Variants in SEMA4F observed in about 807,000 individuals in gnomAD.
SEMA4F encodes the protein ssemaphorin 4F, also known as semaphorin-4F.
A neutral mutation model predicts 78.4 loss-of-function variants in SEMA4F; 51 were observed. The observed-to-expected ratio is 0.65, with a 90% CI of 0.52 to 0.82. The LOEUF (loss-of-function observed/expected upper bound fraction) is 0.82, where lower values mean the gene tolerates loss of function less well. SEMA4F is among the 40% of genes least tolerant of loss of function. SEMA4F has a pLI of 0.00. For synonymous variants in SEMA4F, 418 were observed against 408.7 expected (o/e 1.02, Z -0.27); for missense variants, 938 against 1,014.4 (o/e 0.92, Z 1.02).
chr2:74,703,932 C>G, the SEMA4F span, among the ~76,000 whole-genome samples: 4 of 152,116 alleles, frequency 2.6e-5, no homozygotes, highest in Admixed American at 1.3e-4. Context: ...AGAGGAGCCC[C>G]AAAGAACACA....
chr2:74,666,769 G>A (rs1299341205), intron 5 of SEMA4F, among the ~76,000 whole-genome samples: 3 of 152,054 alleles, frequency 2.0e-5, no homozygotes, highest in African/African-American at 7.2e-5. Context: ...TCCCAATTAG[G>A]TTCTGTAAAA....
chr2:74,697,747 T>G, the SEMA4F span, among the ~76,000 whole-genome samples: 690 of 152,238 alleles, frequency 4.5e-3, 6 homozygotes, highest in African/African-American at 0.016. Context: ...TGATCCCTAG[T>G]TTACTTGTGT....
At chr2:74,670,809 GC>G (rs1684945006) in intron 5 of SEMA4F, among the ~76,000 whole-genome samples, 1 of 152,168 alleles carries the variant, frequency 6.6e-6, no homozygotes, top group Non-Finnish European at 1.5e-5. Context: ...TCCATTTTCT[GC>G]CAGGACCTTT....
chr2:74,670,884 T>G (rs1353535115), intron 5 of SEMA4F, among the ~76,000 whole-genome samples: 8 of 152,240 alleles, frequency 5.3e-5, no homozygotes, highest in Non-Finnish European at 1.2e-4. Flanking sequence ...TTTGTATAGC[T>G]TCCCCCTCTT....
chr2:74,654,354 C>A lies in SEMA4F; in HGVS notation c.-23C>A. 6.8e-7 allele frequency: 1 copy of A among 1,468,248 alleles called. No homozygotes were observed. Among genetic ancestry groups the A allele is most frequent in the Non-Finnish European group, 8.9e-7 (1 of 1,117,460 alleles). 91.0% of individuals were successfully genotyped at this position (1,468,248 alleles called of 1,614,324 possible). On this transcript the variant is annotated 5_prime_UTR_variant, in exon 1 of 14. Transcript: ENST00000357877. The stretch of plus-strand genomic sequence containing the variant: ...AGCAGAGGCCGTAGCTTGCGCCGCA[C>A]CCGCGGCCAGGCGGAGCCAAAGATG...
chr2:74,690,206 T>G, the SEMA4F span, among the ~76,000 whole-genome samples: 1 of 152,304 alleles, frequency 6.6e-6, no homozygotes, highest in East Asian at 1.9e-4. Flanking sequence ...GTGTTCCCAG[T>G]GATCTTTGGC....
At position 74,683,662 on chromosome 2, in the gene SEMA4F, G is replaced by A. The variant is rs1411406196; in HGVS notation, c.*3453G>A. 3 of 152,076 alleles carry A rather than the reference G, an allele frequency of 2.0e-5. No homozygotes were observed. Among genetic ancestry groups the A allele is most frequent in the Non-Finnish European group, 4.4e-5 (3 of 68,022 alleles). The allele number at this position is 152,076 out of a possible 1,614,324, so 9.4% of individuals were successfully genotyped here. On this transcript the variant is annotated 3_prime_UTR_variant, in exon 14 of 14. Coordinates refer to ENST00000357877, the MANE Select transcript of SEMA4F (RefSeq NM_004263.5). ...GGGCTTGGATGAGGAGCTTCTCAGC[G>A]GCAGTCATAAGAACCAGAGGATTTT...
At chr2:74,678,914 T>A (rs543303405) in intron 12 of SEMA4F, among the ~76,000 whole-genome samples, 12 of 152,260 alleles carry the variant, frequency 7.9e-5, no homozygotes, top group South Asian at 4.1e-4. Flanking sequence ...ATCCCTATAG[T>A]TTTTATCCTT....
chr2:74,689,793 C>A, the SEMA4F span, among the ~76,000 whole-genome samples: 8 of 152,182 alleles, frequency 5.3e-5, no homozygotes, highest in African/African-American at 1.9e-4. Flanking sequence ...TTTCATAGAA[C>A]ACCAACATCA....
intron 5 of SEMA4F, among the ~76,000 whole-genome samples, chr2:74,667,167 A>G (rs1684737679): frequency 6.6e-6 from 1 of 152,374 alleles, no homozygotes; most frequent in Non-Finnish European, 1.5e-5. Flanking sequence ...CTGCATACAC[A>G]GATGGATGTA....
chr2:74,687,648 C>G (rs1193054942), downstream of SEMA4F, among the ~76,000 whole-genome samples: 1 of 152,216 alleles, frequency 6.6e-6, no homozygotes, highest in Non-Finnish European at 1.5e-5. Flanking sequence ...CTGGTCAGTA[C>G]TCCTGTAGGA....
At chr2:74,704,071 G>A in the SEMA4F span, among the ~76,000 whole-genome samples, 4 of 152,160 alleles carry the variant, frequency 2.6e-5, no homozygotes, top group South Asian at 8.3e-4. Flanking sequence ...GAAATAGATT[G>A]GTTCTTTGGG....
intron 12 of SEMA4F, among the ~76,000 whole-genome samples, chr2:74,677,322 A>T (rs545106240): frequency 1.3e-5 from 2 of 152,262 alleles, no homozygotes; most frequent in Non-Finnish European, 2.9e-5. Context: ...CTCCTGGTCA[A>T]TCTTGCCTCA....
chr2:74,707,892 G>A, the SEMA4F span, among the ~76,000 whole-genome samples: 1 of 152,128 alleles, frequency 6.6e-6, no homozygotes, highest in African/African-American at 2.4e-5. Flanking sequence ...GAGATCCTCA[G>A]GGGTCTCCTC....
rs140418530 is a variant in SEMA4F at position 74,679,860 on chromosome 2, G to A, written c.1964G>A (p.Arg655Gln). The A allele has an allele frequency of 1.7e-5, 27 of 1,614,068 alleles. No homozygotes were observed. The highest frequency in any genetic ancestry group is 1.3e-4 in the East Asian group (6 of 44,898). The change falls in exon 14 of 14, where the codon CGG (arginine) becomes CAG (glutamine). Residue 655 changes from arginine (R) to glutamine (Q), a missense_variant. Arg to Gln is a conservative substitution (Grantham distance 43). Coordinates refer to ENST00000357877, the MANE Select transcript of SEMA4F (RefSeq NM_004263.5). ...VWGSQRDAPS[R>Q]AHTVGAGLAG... is the part of the protein sequence containing the mutation. ...GGCAGCCAGCGAGATGCTCCGAGCC[G>A]GGCCCACACAGTGGGGGCGGGACTG... is the stretch of plus-strand genomic sequence containing the variant.
chr2:74,694,952 C>T, the SEMA4F span, among the ~76,000 whole-genome samples: 4 of 152,140 alleles, frequency 2.6e-5, no homozygotes, highest in Admixed American at 2.0e-4. Flanking sequence ...TTGGTTGCTT[C>T]CAGGTTTTGG....
chr2:74,665,902 GTTT>G (rs1203822562), intron 5 of SEMA4F, among the ~76,000 whole-genome samples: 1 of 135,934 alleles, frequency 7.4e-6, no homozygotes, highest in African/African-American at 2.6e-5. Context: ...AGTAATTTTT[GTTT>G]TTTTTTTTTT....
chr2:74,701,278 C>T, the SEMA4F span, among the ~76,000 whole-genome samples: 1 of 152,146 alleles, frequency 6.6e-6, no homozygotes, highest in East Asian at 1.9e-4. Context: ...GGTTTCCCTT[C>T]CTTCCTTACC....
Position 74,674,509 on chromosome 2 carries a change from G to C in SEMA4F, c.834G>C (p.Gly278=), listed in dbSNP as rs1408106721. ...RVARVCAGDL[G]GRKTLQQRWT... ...GTTTGTCACCCCAGGGGGACCTCGG[G>C]GGCCGGAAGACCCTCCAGCAGAGAT... is the stretch of plus-strand genomic sequence containing the variant. The change falls in exon 8 of 14, where the codon GGG becomes GGC. Residue 278 remains glycine, a synonymous_variant. Transcript: ENST00000357877. 3 of 1,612,690 alleles carry C rather than the reference G, an allele frequency of 1.9e-6. No homozygotes were observed. The highest frequency in any genetic ancestry group is 8.5e-7 in the Non-Finnish European group (1 of 1,179,338).
Sources: allele counts gnomAD v4.1 joint callset (sites outside exome capture counted in the v4.1 genomes callset), GRCh38; gene constraint gnomAD v4.1.1; transcripts MANE v1.5; gene names NCBI Gene and HGNC (gene_info 2026-07-23, HGNC 2026-07-21).